IGSF9B: variants seen among roughly 807,000 people sequenced by gnomAD.
IGSF9B encodes immunoglobulin superfamily member 9B.
A neutral mutation model predicts 143.7 loss-of-function variants in IGSF9B; 48 were observed. That is an observed-to-expected ratio of 0.33 (90% confidence interval 0.26 to 0.42). The LOEUF is 0.42. IGSF9B is among the 20% of genes least tolerant of loss of function. IGSF9B has a pLI of 1.00. For synonymous variants in IGSF9B, 903 were observed against 833.1 expected, an observed-to-expected ratio of 1.08 and a Z score of -1.44; for missense variants, 1,706 against 1,980.0, an observed-to-expected ratio of 0.86 and a Z score of 2.63.
chr11:133,945,215 A>T lies in IGSF9B; in HGVS notation c.262+846T>A, dbSNP rs1190169896. On this transcript the variant is annotated intron_variant, in intron 2 of 19. Coordinates refer to ENST00000533871, the MANE Select transcript of IGSF9B (RefSeq NM_001277285.4). This position sits in a 1 kb window ranked among gnomAD's most constrained non-coding sequence, Gnocchi z 4.6. ...CTCACCCCTCACCGCAGCCAATATCACCACACCTCTGCTCTCCTCCTCGTC... is the reference window on the plus strand; with the variant it reads ...CTCACCCCTCACCGCAGCCAATATCTCCACACCTCTGCTCTCCTCCTCGTC... 6.6e-6 allele frequency among the ~76,000 whole-genome samples: 1 copy of T among 152,034 alleles called. No homozygotes were observed. Among genetic ancestry groups the T allele is most frequent in the East Asian group, 1.9e-4 (1 of 5,190 alleles).
At chr11:133,914,372 A>G (rs1258619837) in intron 18 of IGSF9B, among the ~76,000 whole-genome samples, 1 of 152,140 alleles carries the variant, frequency 6.6e-6, no homozygotes, top group African/African-American at 2.4e-5. Flanking sequence ...AGCTACAAAG[A>G]AGAAAAGCAT....
At chr11:133,952,554 C>A (rs1940179962) in intron 1 of IGSF9B, among the ~76,000 whole-genome samples, 1 of 152,200 alleles carries the variant, frequency 6.6e-6, no homozygotes, top group Admixed American at 6.5e-5. Context: ...AACACACAGG[C>A]ACTCAAGCAC....
At position 133,945,735 on chromosome 11, in the gene IGSF9B, C is replaced by T. The variant is rs1940035300; in HGVS notation, c.262+326G>A. 2.6e-5 allele frequency among the ~76,000 whole-genome samples: 4 copies of T among 152,230 alleles called. No individual in the cohort carries two copies. The highest frequency in any genetic ancestry group is 9.6e-5 in the African/African-American group (4 of 41,552). On this transcript the variant is annotated intron_variant, in intron 2 of 19. Transcript: ENST00000533871. The surrounding 1 kb of genome is among the most constrained non-coding windows in gnomAD (Gnocchi z 4.6). Reference sequence around the variant, plus strand: ...GTGGGTGCGGCCAAGCAGGGAGAGCCGTGCTGGCCCAGGGCTGCCTGACTC... The same window carrying T: ...GTGGGTGCGGCCAAGCAGGGAGAGCTGTGCTGGCCCAGGGCTGCCTGACTC...
Position 133,901,989 on chromosome 11 carries a change from A to G in IGSF9B, c.*7080T>C, listed in dbSNP as rs928036906. Among the ~76,000 whole-genome samples, 1 of 127,416 alleles carries G rather than the reference A, an allele frequency of 7.8e-6. No individual in the cohort carries two copies. Among genetic ancestry groups the G allele is most frequent in the Non-Finnish European group, 1.7e-5 (1 of 59,780 alleles). The allele number at this position is 127,416 out of a possible 152,430, so 83.6% of individuals were successfully genotyped here. A position where few individuals can be genotyped will look rare whatever the true frequency, so the allele number is the denominator to read the frequency against. On this transcript the variant is annotated 3_prime_UTR_variant, in exon 20 of 20. Coordinates refer to ENST00000533871, the MANE Select transcript of IGSF9B (RefSeq NM_001277285.4). ...CGCATCACACACATGCACACCAGAC[A>G]CATCACACACACACACACACCAGAC...
rs201484490 is a variant in IGSF9B at position 133,919,778 on chromosome 11, C to G, written c.3947G>C (p.Arg1316Pro). The G allele has an allele frequency of 2.1e-4, 307 of 1,486,108 alleles. No individual in the cohort carries two copies. In the African/African-American group the frequency reaches 2.8e-3, roughly 14 times the overall value. The allele number at this position is 1,486,108 out of a possible 1,614,324, so 92.1% of individuals were successfully genotyped here. The change falls in exon 18 of 20, where the codon CGA becomes CCA. Residue 1316 changes from arginine (R) to proline (P), a missense_variant. By Grantham distance (103) the Arg-to-Pro change is moderately radical. Coordinates refer to ENST00000533871, the MANE Select transcript of IGSF9B (RefSeq NM_001277285.4). ...TAACGTGGGTGGTGGGGTCTCCGGT[C>G]GGAGCAATTCCTCCCCCGTCCTTCG... Reference protein sequence around the residue: ...SPRRTGEELLRPETPPPTLPT... With the variant: ...SPRRTGEELLPPETPPPTLPT...
chr11:133,946,282 C>A (rs1328589981), intron 1 of IGSF9B, 24 bp from the exon 2 acceptor site: 6 of 1,604,864 alleles, frequency 3.7e-6, no homozygotes, highest in Non-Finnish European at 5.1e-6. Flanking sequence ...CCAGGTTGGA[C>A]ACAGAAAGGA....
chr11:133,919,882 G>C lies in IGSF9B; in HGVS notation c.3843C>G (p.Gly1281=). 1 of 1,587,574 alleles carries C rather than the reference G, an allele frequency of 6.3e-7. No individual in the cohort carries two copies. The highest frequency in any genetic ancestry group is 1.1e-5 in the South Asian group (1 of 87,582). The change falls in exon 18 of 20, where the codon GGC becomes GGG. Residue 1281 remains glycine (G), a synonymous_variant. Coordinates refer to ENST00000533871, the MANE Select transcript of IGSF9B (RefSeq NM_001277285.4). The part of the protein sequence containing the change: ...PAMGFTTLAT[G]YPSPPPGPAP... ...CGGGGCCGGGTGGAGGGGAAGGGTA[G>C]CCGGTGGCCAGAGTGGTGAAGCCCA...
Position 133,945,468 on chromosome 11 carries a change from G to C in IGSF9B, c.262+593C>G, listed in dbSNP as rs924960911. Among the ~76,000 whole-genome samples the C allele has an allele frequency of 6.6e-6, 1 of 152,082 alleles. No individual in the cohort carries two copies. Among genetic ancestry groups the C allele is most frequent in the African/African-American group, 2.4e-5 (1 of 41,404 alleles). On this transcript the variant is annotated intron_variant, in intron 2 of 19. Transcript: ENST00000533871. The surrounding 1 kb of genome is among the most constrained non-coding windows in gnomAD (Gnocchi z 4.6). ...AACGCTCGCTCAATGACACGCACAC[G>C]CACGCACACACACACCCACGCCCTC...
chr11:133,944,426 G>GC (rs1050591895), intron 2 of IGSF9B, 60 bp from the exon 3 acceptor site: 1 of 1,543,440 alleles, frequency 6.5e-7, no homozygotes. Flanking sequence ...GCAGCTCCCC[G>GC]CCCCCTGCCC....
At chr11:133,924,492 C>A (rs927221510) in intron 15 of IGSF9B, among the ~76,000 whole-genome samples, 1 of 152,176 alleles carries the variant, frequency 6.6e-6, no homozygotes, top group African/African-American at 2.4e-5. Flanking sequence ...CCCTCCCCGA[C>A]AAGAGGAAAC....
intron 19 of IGSF9B, 74 bp downstream of exon 19, chr11:133,911,812 G>T: frequency 7.2e-7 from 1 of 1,388,862 alleles, no homozygotes; most frequent in Non-Finnish European, 9.3e-7. Context: ...TCCTGACAAC[G>T]GCAGCCCAAT....
rs563172964 is a variant in IGSF9B, at chr11:133,903,481, C to G, written c.*5588G>C. ...GACAACACCCATGTGATTTTAATGA[C>G]TGGCCACTGTTCCACCAGAGTATAT... On this transcript the variant is annotated 3_prime_UTR_variant, in exon 20 of 20. Transcript: ENST00000533871. Among the ~76,000 whole-genome samples the G allele has an allele frequency of 1.3e-5, 2 of 152,214 alleles. No homozygotes were observed. The highest frequency in any genetic ancestry group is 3.9e-4 in the East Asian group (2 of 5,190).
intron 5 of IGSF9B, 90 bp from the exon 6 acceptor site, chr11:133,936,284 G>C (rs1939821684): frequency 8.2e-7 from 1 of 1,225,674 alleles, no homozygotes; most frequent in Non-Finnish European, 1.2e-6. Context: ...GCCTCAGGAA[G>C]CGGTGCCCTG....
In IGSF9B at chr11:133,905,110, G is replaced by A. The variant is rs1293199098; in HGVS notation, c.*3959C>T. Among the ~76,000 whole-genome samples the A allele has an allele frequency of 6.6e-6, 1 of 151,794 alleles. No homozygotes were observed. Among genetic ancestry groups the A allele is most frequent in the Non-Finnish European group, 1.5e-5 (1 of 67,982 alleles). The stretch of plus-strand genomic sequence containing the variant: ...CTCTGCCCCTTCCTGCAGCTCCCCA[G>A]CCATCCCTGCAGTGCCCCCAAAGCT... On this transcript the variant is annotated 3_prime_UTR_variant, in exon 20 of 20. Coordinates refer to ENST00000533871, the MANE Select transcript of IGSF9B (RefSeq NM_001277285.4). The surrounding 1 kb of genome is among the most constrained non-coding windows in gnomAD (Gnocchi z 4.0).
intron 17 of IGSF9B, 91 bp from the exon 18 acceptor site, chr11:133,921,488 C>T: frequency 1.0e-6 from 1 of 987,338 alleles, no homozygotes; most frequent in Non-Finnish European, 1.4e-6. Flanking sequence ...CACCCAGCAC[C>T]CAGGATCCTC....
chr11:133,952,330 G>C (rs544393664), intron 1 of IGSF9B: 12 of 259,644 alleles, frequency 4.6e-5, no homozygotes, highest in South Asian at 4.5e-4. Flanking sequence ...GGGAGACAGA[G>C]AGGCCCTGGG....
At chr11:133,922,300 A>G (rs987183661) in intron 16 of IGSF9B, 78 bp from the exon 17 acceptor site, 10 of 1,336,202 alleles carry the variant, frequency 7.5e-6, no homozygotes, top group African/African-American at 4.3e-5. Flanking sequence ...AGAGGCTGAC[A>G]GAGCCGGAGC....
At position 133,909,346 on chromosome 11, in the gene IGSF9B, C is replaced by A; in HGVS notation, c.4106-69G>T. 8.4e-7 allele frequency: 1 copy of A among 1,184,970 alleles called. No individual in the cohort carries two copies. The highest frequency in any genetic ancestry group is 1.2e-6 in the Non-Finnish European group (1 of 830,082). 73.4% of individuals were successfully genotyped at this position (1,184,970 alleles called of 1,614,324 possible). A position where few individuals can be genotyped will look rare whatever the true frequency, so the allele number is the denominator to read the frequency against. ...GAAAAGGAAGCACGCAGCCTGCTCA[C>A]CTTTTCCACCTGCATTTGTTCCGGG... On this transcript the variant is annotated intron_variant, in intron 19 of 19. Transcript: ENST00000533871. The surrounding 1 kb of genome is among the most constrained non-coding windows in gnomAD (Gnocchi z 4.2).
intron 19 of IGSF9B, among the ~76,000 whole-genome samples, chr11:133,911,155 A>T (rs1185833081): frequency 6.6e-6 from 1 of 152,166 alleles, no homozygotes; most frequent in Non-Finnish European, 1.5e-5. Context: ...CTGCCACAAC[A>T]CTCCTAAAAC....
Sources: allele counts gnomAD v4.1 joint callset (sites outside exome capture counted in the v4.1 genomes callset), GRCh38; gene constraint gnomAD v4.1.1; non-coding constraint Gnocchi (gnomAD v3.1); transcripts MANE v1.5; gene names NCBI Gene and HGNC (gene_info 2026-07-23, HGNC 2026-07-21).